Variants in TAFA1 observed in about 807,000 individuals in gnomAD.
TAFA1 encodes chemokine-like protein TAFA-1.
Under a neutral mutation model 18.5 loss-of-function variants are expected in TAFA1, and 4 were observed. The ratio of observed to expected loss-of-function variants is 0.22; its 90% confidence interval spans 0.11 to 0.49. TAFA1 has a LOEUF of 0.49. TAFA1 is among the 20% of genes least tolerant of loss of function. TAFA1 has a pLI of 0.98. For missense variants in TAFA1, 147 were observed against 169.0 expected, an observed-to-expected ratio of 0.87 and a Z score of 0.72; for synonymous variants, 56 against 55.2, an observed-to-expected ratio of 1.01 and a Z score of -0.06.
intron 2 of TAFA1, among the ~76,000 whole-genome samples, chr3:68,115,194 G>C (rs1001602036): frequency 6.6e-6 from 1 of 152,176 alleles, no homozygotes; most frequent in Non-Finnish European, 1.5e-5. Context: ...TTACATGACA[G>C]TTTGCTATAC....
intron 2 of TAFA1, among the ~76,000 whole-genome samples, chr3:68,337,059 C>G (rs964325186): frequency 4.6e-5 from 7 of 152,134 alleles, no homozygotes; most frequent in African/African-American, 1.7e-4. Context: ...GAGTATTACC[C>G]CCTTTTCCAG....
rs186827612 is a variant in TAFA1, at chr3:68,478,220, C to T, written c.260-60536C>T. On this transcript the variant is annotated intron_variant, in intron 3 of 4. Transcript: ENST00000478136. ...TCTCTTTGTTTAACAAATTGGAACA[C>T]AGTATGGCAAGTTGACAGAGTTGAG... Among the ~76,000 whole-genome samples, 6 of 152,262 alleles carry T rather than the reference C, an allele frequency of 3.9e-5. No individual in the cohort carries two copies. In the East Asian group the frequency reaches 1.2e-3, roughly 29 times the overall value.
At chr3:68,165,772 A>T (rs1169964333) in intron 2 of TAFA1, among the ~76,000 whole-genome samples, 1 of 152,262 alleles carries the variant, frequency 6.6e-6, no homozygotes, top group African/African-American at 2.4e-5. Context: ...CTTGTCTAAA[A>T]GGAAAGATGG....
chr3:68,315,147 A>G (rs995240787), intron 2 of TAFA1, among the ~76,000 whole-genome samples: 1 of 152,138 alleles, frequency 6.6e-6, no homozygotes, highest in African/African-American at 2.4e-5. Flanking sequence ...TGGAAGAGAG[A>G]ATGCCAATTC....
intron 2 of TAFA1, among the ~76,000 whole-genome samples, chr3:68,389,372 A>G (rs1354494646): frequency 6.6e-6 from 1 of 151,488 alleles, no homozygotes; most frequent in Non-Finnish European, 1.5e-5. Context: ...ATTATCTTTA[A>G]TAACTGTCCC....
At chr3:68,485,801 G>A (rs997508764) in intron 3 of TAFA1, among the ~76,000 whole-genome samples, 10 of 152,134 alleles carry the variant, frequency 6.6e-5, no homozygotes, top group Non-Finnish European at 1.2e-4. Flanking sequence ...TGTACATTTT[G>A]CTATAGTAAA....
At chr3:68,381,539 A>G (rs1200253330) in intron 2 of TAFA1, among the ~76,000 whole-genome samples, 4 of 152,166 alleles carry the variant, frequency 2.6e-5, no homozygotes, top group Non-Finnish European at 4.4e-5. Context: ...GCAAATGTGA[A>G]TGGGAGTTCA....
At chr3:68,091,686 A>G (rs1297939126) in intron 2 of TAFA1, among the ~76,000 whole-genome samples, 4 of 152,272 alleles carry the variant, frequency 2.6e-5, no homozygotes, top group East Asian at 1.9e-4. Context: ...CTGAGGATGA[A>G]AAAAGCAGCC....
chr3:68,115,846 C>T (rs1240044265), intron 2 of TAFA1, among the ~76,000 whole-genome samples: 3 of 152,206 alleles, frequency 2.0e-5, no homozygotes, highest in Non-Finnish European at 4.4e-5. Context: ...ATTAGAATTG[C>T]TTGTAATCCT....
At chr3:68,079,960 AG>A (rs1469212217) in intron 2 of TAFA1, among the ~76,000 whole-genome samples, 3 of 151,860 alleles carry the variant, frequency 2.0e-5, no homozygotes, top group African/African-American at 7.3e-5. Context: ...GTCTCTTTGT[AG>A]GTCACTCAGG....
chr3:68,516,308 A>G (rs1434688792), intron 3 of TAFA1, among the ~76,000 whole-genome samples: 1 of 152,146 alleles, frequency 6.6e-6, no homozygotes, highest in Non-Finnish European at 1.5e-5. Flanking sequence ...TGTGTTCCAA[A>G]TTCAGCGATT....
At chr3:68,498,173 G>A (rs2072584871) in intron 3 of TAFA1, among the ~76,000 whole-genome samples, 1 of 152,154 alleles carries the variant, frequency 6.6e-6, no homozygotes, top group Non-Finnish European at 1.5e-5. Context: ...TTCCTCATCT[G>A]TCAAATGGGC....
At chr3:68,455,385 C>G (rs1054872053) in intron 3 of TAFA1, among the ~76,000 whole-genome samples, 10 of 151,996 alleles carry the variant, frequency 6.6e-5, no homozygotes, top group Non-Finnish European at 1.3e-4. Context: ...AAAAATGTTT[C>G]TATATAGAAC....
At chr3:68,202,034 C>G (rs2066475120) in intron 2 of TAFA1, among the ~76,000 whole-genome samples, 1 of 151,602 alleles carries the variant, frequency 6.6e-6, no homozygotes, top group Non-Finnish European at 1.5e-5. Flanking sequence ...AAAAACAGCA[C>G]CAAGTCAGCC....
chr3:68,038,668 TA>T (rs113213274), intron 2 of TAFA1, among the ~76,000 whole-genome samples: 2,188 of 145,190 alleles, frequency 0.015, 33 homozygotes, highest in East Asian at 0.042. Context: ...AAGCTATTGT[TA>T]AAAAAAAAAA....
intron 2 of TAFA1, among the ~76,000 whole-genome samples, chr3:68,042,270 T>C (rs1402787709): frequency 1.3e-5 from 2 of 152,136 alleles, no homozygotes; most frequent in Non-Finnish European, 2.9e-5. Flanking sequence ...TGAGACATAA[T>C]AATTCTTTAC....
intron 2 of TAFA1, among the ~76,000 whole-genome samples, chr3:68,250,210 T>C (rs1175172634): frequency 1.3e-5 from 2 of 152,142 alleles, no homozygotes; most frequent in African/African-American, 2.4e-5. Context: ...AAACTGGCTC[T>C]CTATTTGCTT....
intron 2 of TAFA1, among the ~76,000 whole-genome samples, chr3:68,250,553 C>G (rs1421538827): frequency 6.6e-6 from 1 of 152,108 alleles, no homozygotes; most frequent in African/African-American, 2.4e-5. Flanking sequence ...ACACACAATA[C>G]TCCCTATTCT....
chr3:68,113,338 G>A (rs886864528), intron 2 of TAFA1, among the ~76,000 whole-genome samples: 3 of 152,126 alleles, frequency 2.0e-5, no homozygotes, highest in South Asian at 2.1e-4. Flanking sequence ...TTCCATAAAC[G>A]GTGCTGGGAA....
Sources: allele counts gnomAD v4.1 joint callset (sites outside exome capture counted in the v4.1 genomes callset), GRCh38; gene constraint gnomAD v4.1.1; transcripts MANE v1.5; gene names NCBI Gene and HGNC (gene_info 2026-07-23, HGNC 2026-07-21).